The following WWOX variants were observed in gnomAD, a reference collection of about 807,000 sequenced individuals.
WWOX encodes the protein WW domain-containing oxidoreductase.
In WWOX, 69 loss-of-function variants were observed where a neutral mutation model predicts 46.2. The ratio of observed to expected loss-of-function variants is 1.49; its 90% confidence interval spans 1.23 to 1.82. The LOEUF (loss-of-function observed/expected upper bound fraction) is 1.82, where lower values mean the gene tolerates loss of function less well. WWOX is among the 40% of genes most tolerant of loss of function. WWOX has a pLI of 0.00. For missense variants in WWOX, 919 were observed against 542.6 expected, an observed-to-expected ratio of 1.69 and a Z score of -6.89; for synonymous variants, 359 against 202.6, an observed-to-expected ratio of 1.77 and a Z score of -6.56.
chr16:78,425,071 A>G lies in WWOX; in HGVS notation c.791+16A>G, dbSNP rs2083045240. On this transcript the variant is annotated intron_variant, in intron 7 of 8. Coordinates refer to ENST00000566780, the MANE Select transcript of WWOX (RefSeq NM_016373.4). ...AGTCCCATCGGTGGGTTTGAATTGC[A>G]TATTTGTTCACTTATCCCCTTTCTC... 8 of 1,612,746 alleles carry G rather than the reference A, an allele frequency of 5.0e-6. No homozygotes were observed. The highest frequency in any genetic ancestry group is 5.9e-6 in the Non-Finnish European group (7 of 1,179,950).
At chr16:78,668,693 G>C (rs543526998) in intron 8 of WWOX, among the ~76,000 whole-genome samples, 2 of 152,090 alleles carry the variant, frequency 1.3e-5, no homozygotes, top group South Asian at 2.1e-4. Flanking sequence ...GGCATCAGAT[G>C]GGCTTTGGAA....
chr16:78,486,089 G>A (rs2084628841), intron 8 of WWOX, among the ~76,000 whole-genome samples: 2 of 152,212 alleles, frequency 1.3e-5, no homozygotes, highest in South Asian at 4.1e-4. Flanking sequence ...TGGTGTCTAT[G>A]TGAGGGGGTG....
chr16:79,050,734 G>A (rs982013812), intron 8 of WWOX, among the ~76,000 whole-genome samples: 4 of 152,200 alleles, frequency 2.6e-5, no homozygotes, highest in African/African-American at 9.7e-5. Flanking sequence ...CATAGGTTGG[G>A]GGAAGGAGGT....
intron 4 of WWOX, among the ~76,000 whole-genome samples, chr16:78,144,310 G>A (rs1255197179): frequency 6.7e-6 from 1 of 149,798 alleles, no homozygotes; most frequent in Non-Finnish European, 1.5e-5. Context: ...TTCCATGGGA[G>A]AATCTGAGAT....
At chr16:78,136,460 C>G (rs2033793703) in intron 4 of WWOX, among the ~76,000 whole-genome samples, 1 of 152,182 alleles carries the variant, frequency 6.6e-6, no homozygotes. Context: ...TTAGACCTTA[C>G]TGGATCTAGT....
At chr16:78,633,905 T>C (rs1039660023) in intron 8 of WWOX, among the ~76,000 whole-genome samples, 1 of 151,886 alleles carries the variant, frequency 6.6e-6, no homozygotes, top group African/African-American at 2.4e-5. Context: ...TGTTTTTTTT[T>C]TTTTTTTTAG....
chr16:78,217,654 C>T (rs993512280), intron 5 of WWOX, among the ~76,000 whole-genome samples: 1 of 152,050 alleles, frequency 6.6e-6, no homozygotes, highest in African/African-American at 2.4e-5. Flanking sequence ...TACTAGGTGC[C>T]AGGTGTCTCG....
In WWOX at chr16:78,114,828, T is replaced by C. The variant is rs927306328; in HGVS notation, c.231-148T>C. 24 of 960,008 alleles carry C rather than the reference T, an allele frequency of 2.5e-5. No individual in the cohort carries two copies. The East Asian group carries it at 5.5e-4, about 22-fold the overall frequency. 59.5% of individuals were successfully genotyped at this position (960,008 alleles called of 1,614,324 possible). A position where few individuals can be genotyped will look rare whatever the true frequency, so the allele number is the denominator to read the frequency against. On this transcript the variant is annotated intron_variant, in intron 3 of 8. Transcript: ENST00000566780. ...TGTGATCCTTCTGGAGGCCAGAAGA[T>C]AGATTCAGTGGGCCCCAGTTCTTTC... is the stretch of plus-strand genomic sequence containing the variant.
At chr16:78,334,476 T>G (rs1016443174) in intron 5 of WWOX, among the ~76,000 whole-genome samples, 1 of 152,102 alleles carries the variant, frequency 6.6e-6, no homozygotes, top group Non-Finnish European at 1.5e-5. Context: ...TTCGGTGAGG[T>G]GTTACACAAT....
chr16:78,429,497 C>T (rs925788683), intron 7 of WWOX, among the ~76,000 whole-genome samples: 1 of 151,740 alleles, frequency 6.6e-6, no homozygotes, highest in Non-Finnish European at 1.5e-5. Flanking sequence ...TTGGGCTAAA[C>T]AAATATGCCA....
At chr16:78,122,697 C>T (rs181865123) in intron 4 of WWOX, among the ~76,000 whole-genome samples, 52 of 151,906 alleles carry the variant, frequency 3.4e-4, no homozygotes, top group East Asian at 1.6e-3. Context: ...CTCCGCCTCC[C>T]GGGTTGAAGT....
intron 8 of WWOX, among the ~76,000 whole-genome samples, chr16:79,201,646 G>T (rs183125210): frequency 6.6e-6 from 1 of 152,118 alleles, no homozygotes; most frequent in Non-Finnish European, 1.5e-5. Flanking sequence ...AAGTTTATGC[G>T]CTGCTTGGTT....
intron 8 of WWOX, among the ~76,000 whole-genome samples, chr16:78,731,518 T>C (rs1026516499): frequency 3.9e-5 from 6 of 152,180 alleles, no homozygotes; most frequent in African/African-American, 1.4e-4. Context: ...TGTTAATTCC[T>C]TTTTCCTTTC....
At chr16:78,355,886 T>G (rs1458171312) in intron 5 of WWOX, 2 of 490,028 alleles carry the variant, frequency 4.1e-6, no homozygotes, top group East Asian at 8.4e-5. Flanking sequence ...CAGTGGCCTC[T>G]CTAAATGTGC....
At chr16:79,019,588 A>T (rs963400165) in intron 8 of WWOX, among the ~76,000 whole-genome samples, 1 of 152,094 alleles carries the variant, frequency 6.6e-6, no homozygotes, top group African/African-American at 2.4e-5. Flanking sequence ...AAACAAAAGC[A>T]GAAAGCAAGC....
At chr16:78,216,588 T>G (rs76381892) in intron 5 of WWOX, among the ~76,000 whole-genome samples, 8,388 of 152,210 alleles carry the variant, frequency 0.055, 284 homozygotes, top group Middle Eastern at 0.11. Flanking sequence ...TCTTCATTTT[T>G]CAAAGCCAGC....
At chr16:78,358,607 G>A (rs1459962976) in intron 5 of WWOX, among the ~76,000 whole-genome samples, 1 of 152,090 alleles carries the variant, frequency 6.6e-6, no homozygotes, top group Admixed American at 6.6e-5. Flanking sequence ...GCAGTGAGCC[G>A]AGATAGTTCT....
intron 8 of WWOX, chr16:79,205,506 T>G (rs1412859905): frequency 6.6e-6 from 1 of 152,236 alleles, no homozygotes; most frequent in Non-Finnish European, 1.5e-5. Flanking sequence ...AGAGTTGGCA[T>G]GGGATCTAAA....
intron 8 of WWOX, among the ~76,000 whole-genome samples, chr16:78,506,198 C>T (rs2085199744): frequency 6.6e-6 from 1 of 152,212 alleles, no homozygotes; most frequent in Non-Finnish European, 1.5e-5. Flanking sequence ...GCCCTCCAAA[C>T]ATAACTTGGC....
Sources: gnomAD v4.1 joint callset for allele counts (sites outside exome capture counted in the v4.1 genomes callset) on GRCh38, gnomAD v4.1.1 for gene constraint, MANE v1.5 for transcripts, NCBI Gene and HGNC (gene_info 2026-07-23, HGNC 2026-07-21) for gene names.